The following LARP4B variants were observed in gnomAD, a reference collection of about 807,000 sequenced individuals.
LARP4B encodes the protein La ribonucleoprotein 4B.
A neutral mutation model predicts 89.8 loss-of-function variants in LARP4B; 12 were observed. The ratio of observed to expected loss-of-function variants is 0.13; its 90% CI spans 0.09 to 0.22. The LOEUF (loss-of-function observed/expected upper bound fraction) is 0.22, where lower values mean the gene tolerates loss of function less well. Among genes scored for constraint, LARP4B ranks in the 10% least tolerant of loss-of-function variants. The pLI is 1.00. For synonymous variants in LARP4B, 367 were observed against 363.3 expected (o/e 1.01, Z -0.12); for missense variants, 757 against 947.7 (o/e 0.80, Z 2.64).
intron 1 of LARP4B, among the ~76,000 whole-genome samples, chr10:919,757 A>G (rs978140006): frequency 6.6e-6 from 1 of 152,254 alleles, no homozygotes; most frequent in Non-Finnish European, 1.5e-5. Flanking sequence ...AAGACTGCAC[A>G]CAGACTCCTG....
chr10:982,399 T>C, the LARP4B span, among the ~76,000 whole-genome samples: 1 of 152,174 alleles, frequency 6.6e-6, no homozygotes, highest in Non-Finnish European at 1.5e-5. Flanking sequence ...CCTCAACCTA[T>C]AACTTTTTAT....
intron 5 of LARP4B, among the ~76,000 whole-genome samples, chr10:848,069 T>A (rs1054242780): frequency 6.6e-6 from 1 of 152,276 alleles, no homozygotes; most frequent in East Asian, 1.9e-4. Flanking sequence ...AAAGCACGGA[T>A]GTGATGAAAC....
chr10:920,898 CTATTAT>C (rs895634113), intron 1 of LARP4B, among the ~76,000 whole-genome samples: 1 of 152,116 alleles, frequency 6.6e-6, no homozygotes, highest in Non-Finnish European at 1.5e-5. Context: ...GTTATGTTCA[CTATTAT>C]TATTATTAAA....
At chr10:955,030 CG>C in the LARP4B span, among the ~76,000 whole-genome samples, 8 of 73,502 alleles carry the variant, frequency 1.1e-4, no homozygotes, top group African/African-American at 3.0e-4. The surrounding 1 kb of genome is among the most constrained non-coding windows in gnomAD (Gnocchi z 5.2). Flanking sequence ...CTCCCATCCA[CG>C]CTTCCCCAGG....
intron 1 of LARP4B, among the ~76,000 whole-genome samples, chr10:919,905 C>T (rs531033091): frequency 3.3e-5 from 5 of 152,264 alleles, no homozygotes; most frequent in African/African-American, 1.2e-4. Flanking sequence ...CGATACAAAC[C>T]GGAGGGTGTT....
Position 814,781 on chromosome 10 carries a change from C to T in LARP4B, c.1890G>A (p.Ala630=), listed in dbSNP as rs756937921. ...TCACCTGCACCGATTTACACGCGGT[C>T]GCAGTGAGGGCGGAAGGAAGTCTGT... The part of the protein sequence containing the change: ...SVDRLPSALT[A]TACKSVQVNG... Residue 630 remains alanine, a synonymous_variant, in exon 17 of 18, where the codon GCG becomes GCA. Transcript: ENST00000316157. The surrounding 1 kb of genome is among the most constrained non-coding windows in gnomAD (Gnocchi z 4.4). 43 of 1,604,396 alleles carry T rather than the reference C, an allele frequency of 2.7e-5. No individual in the cohort carries two copies. Among genetic ancestry groups the T allele is most frequent in the Admixed American group, 1.0e-4 (6 of 59,106 alleles).
At chr10:862,082 T>C (rs1242423850) in intron 5 of LARP4B, among the ~76,000 whole-genome samples, 2 of 152,142 alleles carry the variant, frequency 1.3e-5, no homozygotes, top group Non-Finnish European at 2.9e-5. Context: ...TGCTGAATAC[T>C]GGCCTTCCTC....
At chr10:972,859 A>C in the LARP4B span, 3 of 456,880 alleles carry the variant, frequency 6.6e-6, no homozygotes, top group Non-Finnish European at 8.8e-6. Context: ...ATTACAGAGA[A>C]TGCTGGCAGT....
At chr10:982,065 T>C in the LARP4B span, among the ~76,000 whole-genome samples, 2 of 152,004 alleles carry the variant, frequency 1.3e-5, no homozygotes, top group African/African-American at 4.8e-5. Flanking sequence ...CTTTTTTTTT[T>C]GATCTGCTAC....
chr10:821,623 C>T (rs1832356130), intron 13 of LARP4B, among the ~76,000 whole-genome samples: 1 of 152,234 alleles, frequency 6.6e-6, no homozygotes, highest in Non-Finnish European at 1.5e-5. Context: ...AATGCAAAGA[C>T]TCCCCCAAGG....
chr10:851,790 C>T (rs535671298), intron 5 of LARP4B, among the ~76,000 whole-genome samples: 5 of 152,124 alleles, frequency 3.3e-5, no homozygotes, highest in South Asian at 4.2e-4. Flanking sequence ...CCAGGTGGGA[C>T]GCAGTGGCTC....
chr10:919,076 G>A (rs528717231), intron 1 of LARP4B, among the ~76,000 whole-genome samples: 5 of 151,980 alleles, frequency 3.3e-5, no homozygotes, highest in Admixed American at 1.3e-4. Flanking sequence ...GTGAGACTCC[G>A]TCTCAAAAAA....
At chr10:944,919 T>C in the LARP4B span, among the ~76,000 whole-genome samples, 2 of 152,224 alleles carry the variant, frequency 1.3e-5, no homozygotes, top group Non-Finnish European at 2.9e-5. Context: ...GCCAGTAAAT[T>C]GCTGATAGTC....
chr10:955,148 G>A, the LARP4B span, among the ~76,000 whole-genome samples: 12 of 152,210 alleles, frequency 7.9e-5, no homozygotes, highest in South Asian at 2.1e-4. This position sits in a 1 kb window ranked among gnomAD's most constrained non-coding sequence, Gnocchi z 5.2. Context: ...CCACACTCTC[G>A]GGCAGCTCTG....
chr10:972,885 T>G, the LARP4B span: 1 of 456,752 alleles, frequency 2.2e-6, no homozygotes, highest in African/African-American at 2.0e-5. Context: ...CTGTTGTTTG[T>G]TTGGAGGGCT....
chr10:891,144 C>CA lies in LARP4B; in HGVS notation c.-39-5385dup, dbSNP rs527982203. On this transcript the variant is annotated intron_variant, in intron 1 of 17. Coordinates refer to ENST00000316157, the MANE Select transcript of LARP4B (RefSeq NM_015155.3). ...CAATACCATATATGAAGTGGTCTTG[C>CA]AAAAAAAAAAAAGATAACAAAAACC... 4.2e-3 allele frequency among the ~76,000 whole-genome samples: 587 copies of CA among 139,862 alleles called. 1 individual carries two copies. The highest frequency in any genetic ancestry group is 7.2e-3 in the Middle Eastern group (2 of 278). The allele number at this position is 139,862 out of a possible 152,430, so 91.8% of individuals were successfully genotyped here. A position where few individuals can be genotyped will look rare whatever the true frequency, so the allele number is the denominator to read the frequency against.
Position 864,173 on chromosome 10 carries a change from C to T in LARP4B, c.239G>A (p.Ser80Asn). Residue 80 changes from serine to asparagine, a missense_variant, in exon 4 of 18, where the codon AGT becomes AAT. This residue lies in a region of LARP4B where 175 missense variants were observed against 187.0 expected (regional missense o/e 0.94). Transcript: ENST00000316157. Reference protein sequence around the residue: ...LEASSAADGVSAAWEEVAGHH... With the variant: ...LEASSAADGVNAAWEEVAGHH... ...GCCAGCCACCTCCTCCCATGCAGCA[C>T]TCACACCGTCAGCAGCACTGCTTGC... 1 of 1,614,264 alleles carries T rather than the reference C, an allele frequency of 6.2e-7. No homozygotes were observed. Among genetic ancestry groups the T allele is most frequent in the Non-Finnish European group, 8.5e-7 (1 of 1,180,048 alleles).
the LARP4B span, among the ~76,000 whole-genome samples, chr10:956,428 G>C: frequency 2.7e-3 from 410 of 151,244 alleles, 1 homozygote; most frequent in Middle Eastern, 0.017. This position sits in a 1 kb window ranked among gnomAD's most constrained non-coding sequence, Gnocchi z 4.3. Flanking sequence ...TCACTGCAAG[G>C]TCTGCCTCCC....
At chr10:833,622 T>G (rs374147813) in intron 8 of LARP4B, among the ~76,000 whole-genome samples, 178 of 152,320 alleles carry the variant, frequency 1.2e-3, no homozygotes, top group African/African-American at 4.0e-3. Context: ...CCCGGTGCGG[T>G]GGCTCACGCC....
Sources: gnomAD v4.1 joint callset for allele counts (sites outside exome capture counted in the v4.1 genomes callset) on GRCh38, gnomAD v4.1.1 for gene constraint, gnomAD v4.1.1 regional missense constraint, Gnocchi (gnomAD v3.1) non-coding constraint, MANE v1.5 for transcripts, NCBI Gene and HGNC (gene_info 2026-07-23, HGNC 2026-07-21) for gene names.